Variants in KAT6B observed in about 807,000 individuals in gnomAD.
KAT6B encodes histone acetyltransferase KAT6B.
In KAT6B, 10 loss-of-function variants were observed where a neutral mutation model predicts 187.5. The observed-to-expected ratio is 0.05, with a 90% CI of 0.03 to 0.09. The LOEUF (loss-of-function observed/expected upper bound fraction) is 0.09, where lower values mean the gene tolerates loss of function less well. KAT6B is among the 10% of genes least tolerant of loss of function. The pLI is 1.00. For synonymous variants in KAT6B, 861 were observed against 926.8 expected (o/e 0.93, Z 1.29); for missense variants, 1,952 against 2,558.9 (o/e 0.76, Z 5.12).
chr10:75,028,843 G>T lies in KAT6B; in HGVS notation c.4019G>T (p.Gly1340Val). Residue 1340 changes from glycine (G) to valine (V), a missense_variant, in exon 18 of 18, where the codon GGT (glycine) becomes GTT (valine). Gly to Val is a moderately radical substitution (Grantham distance 109). Around this residue, in one of 9 missense-constraint regions of KAT6B, gnomAD observed 758 missense variants for 891.4 expected, o/e 0.85. Coordinates refer to ENST00000287239, the MANE Select transcript of KAT6B (RefSeq NM_012330.4). ...CAPVSPNTSP[G>V]EKPEDDLIKP... The stretch of plus-strand genomic sequence containing the variant: ...CCTGTAAGTCCAAACACATCACCAG[G>T]TGAAAAACCAGAAGATGATCTCATC... 3 of 1,613,934 alleles carry T rather than the reference G, an allele frequency of 1.9e-6. No homozygotes were observed. Among genetic ancestry groups the T allele is most frequent in the Non-Finnish European group, 2.5e-6 (3 of 1,180,004 alleles).
At position 75,022,214 on chromosome 10, in the gene KAT6B, G is replaced by T. The variant is rs1440381536; in HGVS notation, c.3355G>T (p.Val1119Phe). The change falls in exon 16 of 18, where the codon GTT becomes TTT. Residue 1119 changes from valine to phenylalanine, a missense_variant. Transcript: ENST00000287239. The part of the protein sequence containing the change: ...SPPRLTKPQS[V>F]AIKRKRPFVL... Reference sequence around the variant, plus strand: ...CCCAAGATTGACGAAACCACAGTCAGTTGCCATAAAGAGAAAGGTAGGTGT... The same window carrying T: ...CCCAAGATTGACGAAACCACAGTCATTTGCCATAAAGAGAAAGGTAGGTGT... The T allele has an allele frequency of 1.2e-6, 2 of 1,613,196 alleles. No individual in the cohort carries two copies. The highest frequency in any genetic ancestry group is 1.7e-6 in the Non-Finnish European group (2 of 1,180,030).
chr10:74,902,981 A>T (rs556560656), intron 3 of KAT6B, among the ~76,000 whole-genome samples: 2 of 152,318 alleles, frequency 1.3e-5, no homozygotes, highest in South Asian at 4.1e-4. Context: ...GAGTGGGCAA[A>T]ATACATTCAT....
intron 13 of KAT6B, among the ~76,000 whole-genome samples, chr10:75,014,460 AT>A (rs34281337): frequency 0.13 from 19,277 of 152,048 alleles, 2,425 homozygotes; most frequent in African/African-American, 0.33. Flanking sequence ...AAAGTATAGG[AT>A]TTTTTTTAAT....
chr10:74,889,252 A>G (rs1193803997), intron 3 of KAT6B, among the ~76,000 whole-genome samples: 5 of 152,216 alleles, frequency 3.3e-5, no homozygotes, highest in Admixed American at 2.0e-4. Context: ...TTAAAAATAC[A>G]TATTTATATT....
rs368780218 is a variant in KAT6B, at chr10:74,950,734, G to C, written c.622-9236G>C. ...CAACAGGAAGCAGTTTTCAGCCTTT[G>C]TTGCAGTGCCATCAGTTGTGAAGTT... On this transcript the variant is annotated intron_variant, in intron 3 of 17. Coordinates refer to ENST00000287239, the MANE Select transcript of KAT6B (RefSeq NM_012330.4). 1.8e-4 allele frequency among the ~76,000 whole-genome samples: 28 copies of C among 152,306 alleles called. No homozygotes were observed. The South Asian group carries it at 5.8e-3, about 32-fold the overall frequency.
At chr10:74,903,034 A>C (rs148005762) in intron 3 of KAT6B, among the ~76,000 whole-genome samples, 8 of 152,228 alleles carry the variant, frequency 5.3e-5, no homozygotes, top group African/African-American at 1.7e-4. Flanking sequence ...AATGTATAGC[A>C]CTAAGAATAT....
chr10:75,018,513 G>T (rs1011804951), intron 13 of KAT6B, among the ~76,000 whole-genome samples: 1 of 152,224 alleles, frequency 6.6e-6, no homozygotes, highest in Non-Finnish European at 1.5e-5. Context: ...CCACTTCGGG[G>T]TGTGAAAGCA....
At chr10:74,861,659 A>G (rs957037683) in intron 3 of KAT6B, among the ~76,000 whole-genome samples, 1 of 152,152 alleles carries the variant, frequency 6.6e-6, no homozygotes, top group African/African-American at 2.4e-5. Flanking sequence ...ATTACCTCTC[A>G]TTTTCCTGAT....
At chr10:74,862,160 C>T (rs1020401944) in intron 3 of KAT6B, among the ~76,000 whole-genome samples, 4 of 152,116 alleles carry the variant, frequency 2.6e-5, no homozygotes, top group African/African-American at 9.7e-5. Context: ...CAAATTCACC[C>T]CTTGTCTCTA....
chr10:75,004,497 CACT>C (rs1844067311), intron 13 of KAT6B, among the ~76,000 whole-genome samples: 1 of 152,152 alleles, frequency 6.6e-6, no homozygotes, highest in Non-Finnish European at 1.5e-5. Context: ...GCTTTAAATA[CACT>C]GTGCCAGGGA....
Position 74,976,248 on chromosome 10 carries a change from T to C in KAT6B, c.1911T>C (p.Tyr637=), listed in dbSNP as rs897983932. 2 of 1,614,148 alleles carry C rather than the reference T, an allele frequency of 1.2e-6. No homozygotes were observed. The highest frequency in any genetic ancestry group is 2.2e-5 in the South Asian group (2 of 91,078). The change falls in exon 8 of 18, where the codon TAT becomes TAC. Residue 637 remains tyrosine, a synonymous_variant. Transcript: ENST00000287239. ...KKHRMLGRLK[Y]KVTPQMGTPS... is the part of the protein sequence containing the mutation. ...ACAGGATGCTAGGCAGATTAAAATA[T>C]AAAGTGACCCCTCAGATGGGGACCC... is the stretch of plus-strand genomic sequence containing the variant.
At chr10:75,018,646 G>C (rs1220105911) in intron 13 of KAT6B, among the ~76,000 whole-genome samples, 1 of 152,146 alleles carries the variant, frequency 6.6e-6, no homozygotes, top group East Asian at 1.9e-4. Context: ...GCCCATCATA[G>C]TGGGGGACAT....
chr10:74,891,656 A>G (rs1167408497), intron 3 of KAT6B, among the ~76,000 whole-genome samples: 2 of 152,250 alleles, frequency 1.3e-5, no homozygotes, highest in Admixed American at 6.5e-5. Flanking sequence ...TCAGCCTTGC[A>G]TTAAGGATTT....
chr10:75,003,667 T>C (rs1844008430), intron 13 of KAT6B, among the ~76,000 whole-genome samples: 1 of 152,010 alleles, frequency 6.6e-6, no homozygotes. Flanking sequence ...ATTTTCTCAT[T>C]ATAATATGTT....
Position 74,972,668 on chromosome 10 carries a change from A to C in KAT6B, c.1061+29A>C, listed in dbSNP as rs780408395. 1.0e-5 allele frequency: 16 copies of C among 1,599,098 alleles called. No homozygotes were observed. In the East Asian group the frequency reaches 2.9e-4, roughly 29 times the overall value. ...GGTTGAGATCTTATCAAAAGAAATC[A>C]TTTATGTTTTGCTTTAAAATATAGG... On this transcript the variant is annotated intron_variant, in intron 7 of 17. Transcript: ENST00000287239.
intron 3 of KAT6B, among the ~76,000 whole-genome samples, chr10:74,938,612 A>G (rs1849433736): frequency 6.6e-6 from 1 of 152,206 alleles, no homozygotes; most frequent in African/African-American, 2.4e-5. Flanking sequence ...CTGAATATGG[A>G]AAGGAATACT....
In KAT6B at chr10:75,022,117, A is replaced by AGAGGAAGAAGAGGAGGAAGAT; in HGVS notation, c.3266_3267insAGAGGAGGAAGATGAGGAAGA (p.Glu1089_Asp1090insGluGluGluAspGluGluGlu). Reference sequence around the variant, plus strand: ...AGGAGGAGGAAGAAGAGGAGGAAGAAGAGGAAGAGGATGAAGAGGAGGAAG... The same window carrying AGAGGAAGAAGAGGAGGAAGAT: ...AGGAGGAGGAAGAAGAGGAGGAAGAAGAGGAAGAAGAGGAGGAAGATGAGGAAGAGGATGAAGAGGAGGAAG... On this transcript the variant is annotated inframe_insertion, in exon 16 of 18. Transcript: ENST00000287239. The AGAGGAAGAAGAGGAGGAAGAT allele has an allele frequency of 6.2e-7, 1 of 1,606,738 alleles. No individual in the cohort carries two copies. Among genetic ancestry groups the AGAGGAAGAAGAGGAGGAAGAT allele is most frequent in the Non-Finnish European group, 8.5e-7 (1 of 1,175,178 alleles).
At chr10:74,958,767 C>T (rs1047767483) in intron 3 of KAT6B, among the ~76,000 whole-genome samples, 8 of 152,004 alleles carry the variant, frequency 5.3e-5, no homozygotes, top group Admixed American at 1.3e-4. Context: ...AGGCCGGGCT[C>T]GGTGGCTCAC....
chr10:74,988,959 C>A, intron 12 of KAT6B, 60 bp from the exon 13 acceptor site: 1 of 1,141,098 alleles, frequency 8.8e-7, no homozygotes, highest in Non-Finnish European at 1.3e-6. Flanking sequence ...GTGGCAGGTG[C>A]AGGGAATTGC....
Sources: gnomAD v4.1 joint callset for allele counts (sites outside exome capture counted in the v4.1 genomes callset) on GRCh38, gnomAD v4.1.1 for gene constraint, gnomAD v4.1.1 regional missense constraint, MANE v1.5 for transcripts, NCBI Gene and HGNC (gene_info 2026-07-23, HGNC 2026-07-21) for gene names.